Variants in PLOD2 observed in about 807,000 individuals in gnomAD.
The protein encoded by PLOD2 is procollagen-lysine,2-oxoglutarate 5-dioxygenase 2, also known as lysine hydroxylase 2.
In PLOD2, 65 loss-of-function variants were observed where a neutral mutation model predicts 101.0. The ratio of observed to expected loss-of-function variants is 0.64; its 90% CI spans 0.53 to 0.79. The LOEUF (loss-of-function observed/expected upper bound fraction) is 0.79, where lower values mean the gene tolerates loss of function less well. Among genes scored for constraint, PLOD2 ranks in the 30% least tolerant of loss-of-function variants. The pLI, the probability that PLOD2 is intolerant of heterozygous loss-of-function variation, is 0.00. For synonymous variants in PLOD2, 314 were observed against 302.9 expected (o/e 1.04, Z -0.38); for missense variants, 909 against 914.6 (o/e 0.99, Z 0.08).
intron 4 of PLOD2, among the ~76,000 whole-genome samples, chr3:146,109,828 A>G (rs1937596435): frequency 6.6e-6 from 1 of 152,242 alleles, no homozygotes; most frequent in Non-Finnish European, 1.5e-5. Flanking sequence ...GGTTCAAGAC[A>G]AATCATTTAT....
At chr3:146,077,543 CTATTT>C (rs1309967725) in intron 14 of PLOD2, 1 of 225,356 alleles carries the variant, frequency 4.4e-6, no homozygotes, top group African/African-American at 2.3e-5. Flanking sequence ...TAATCAAATT[CTATTT>C]TATACCTACT....
chr3:146,146,492 G>A (rs909381494), intron 1 of PLOD2, among the ~76,000 whole-genome samples: 2 of 152,242 alleles, frequency 1.3e-5, no homozygotes, highest in South Asian at 2.1e-4. Flanking sequence ...CACTTTGTGG[G>A]AACTGGGGAG....
intron 1 of PLOD2, among the ~76,000 whole-genome samples, chr3:146,138,572 G>C (rs1451893730): frequency 6.6e-6 from 1 of 152,048 alleles, no homozygotes; most frequent in Non-Finnish European, 1.5e-5. Context: ...CTGGGTTCAG[G>C]CCTCATACAT....
chr3:146,119,248 T>C (rs1159922277), intron 3 of PLOD2, among the ~76,000 whole-genome samples: 2 of 152,118 alleles, frequency 1.3e-5, no homozygotes, highest in Non-Finnish European at 2.9e-5. Flanking sequence ...TCCTTTGCCT[T>C]CTGCCATGAT....
chr3:146,072,311 G>A (rs974153568), intron 17 of PLOD2, among the ~76,000 whole-genome samples: 1 of 151,548 alleles, frequency 6.6e-6, no homozygotes, highest in Admixed American at 6.6e-5. Context: ...TGAGGACATC[G>A]ACCCTTAGGG....
chr3:146,086,851 T>G lies in PLOD2; in HGVS notation c.1063A>C (p.Lys355Gln). The change falls in exon 10 of 20, where the codon AAA becomes CAA. Residue 355 changes from lysine (K) to glutamine (Q), a missense_variant. Physicochemically the swap from Lys to Gln is moderately conservative, Grantham distance 53 (BLOSUM62 1). Coordinates refer to ENST00000282903, the MANE Select transcript of PLOD2 (RefSeq NM_182943.3). Reference sequence around the variant, plus strand: ...TCTGGTCCTACTATTTTTATAGTTTTGATTTCATGCTTAGCTTTATCAAAA... The same window carrying G: ...TCTGGTCCTACTATTTTTATAGTTTGGATTTCATGCTTAGCTTTATCAAAA... ...VFFDKAKHEI[K>Q]TIKIVGPEEN... 1 of 1,537,758 alleles carries G rather than the reference T, an allele frequency of 6.5e-7. No homozygotes were observed. Among genetic ancestry groups the G allele is most frequent in the Non-Finnish European group, 8.9e-7 (1 of 1,123,510 alleles).
At chr3:146,072,919 G>A (rs1936203364) in intron 16 of PLOD2, among the ~76,000 whole-genome samples, 1 of 151,458 alleles carries the variant, frequency 6.6e-6, no homozygotes, top group African/African-American at 2.4e-5. Context: ...GAGAATTCAT[G>A]TTTCAAAGAT....
chr3:146,070,783 ATG>A lies in PLOD2; in HGVS notation c.2209_2210del (p.His737PhefsTer3). On this transcript the variant is annotated frameshift_variant, in exon 20 of 20. Coordinates refer to ENST00000282903, the MANE Select transcript of PLOD2 (RefSeq NM_182943.3). LOFTEE classifies it high-confidence loss of function. ...TTTTAACAGGAAGTCCTTCATGCAAATGTGTGAGTCTCCCAGGATGCATGAAG... is the reference window on the plus strand; with the variant it reads ...TTTTAACAGGAAGTCCTTCATGCAAATGTGAGTCTCCCAGGATGCATGAAG... Reference protein sequence around the residue: ...WSFMHPGRLTHLHEGLPVKNG... With the variant: ...WSFMHPGRLTXLHEGLPVKNG... 6.2e-7 allele frequency: 1 copy of A among 1,608,176 alleles called. No homozygotes were observed. Among genetic ancestry groups the A allele is most frequent in the Non-Finnish European group, 8.5e-7 (1 of 1,175,316 alleles).
intron 1 of PLOD2, among the ~76,000 whole-genome samples, chr3:146,155,152 AGGCT>A (rs146800749): frequency 0.028 from 4,274 of 152,140 alleles, 90 homozygotes; most frequent in Non-Finnish European, 0.042. Context: ...TGCAACATGT[AGGCT>A]TTAAGGTGGT....
chr3:146,071,119 G>C lies in PLOD2; in HGVS notation c.2044C>G (p.Arg682Gly). 2.5e-6 allele frequency: 4 copies of C among 1,610,356 alleles called. No individual in the cohort carries two copies. The highest frequency in any genetic ancestry group is 3.4e-6 in the Non-Finnish European group (4 of 1,177,320). ...FVVKYSPERQ[R>G]SLRPHHDAST... ...GCATCATGATGAGGACGAAGAGAAC[G>C]CTGTCGTTCAGGGGAGTATTTTACT... The change falls in exon 19 of 20, where the codon CGT (arginine) becomes GGT (glycine). Residue 682 changes from arginine to glycine, a missense_variant. Physicochemically the swap from Arg to Gly is moderately radical, Grantham distance 125. Transcript: ENST00000282903.
intron 3 of PLOD2, among the ~76,000 whole-genome samples, chr3:146,111,027 A>G (rs1260481436): frequency 2.3e-5 from 2 of 85,786 alleles, no homozygotes; most frequent in African/African-American, 8.7e-5. Context: ...GTAAAAACTG[A>G]CACTATAATT....
Position 146,079,801 on chromosome 3 carries a change from A to C in PLOD2, c.1359-544T>G, listed in dbSNP as rs550149616. ...CCTCCACCTCCAAAAGCCAGTTGTT[A>C]CACATTTACCAAAATACCACTGAAT... On this transcript the variant is annotated intron_variant, in intron 12 of 19. Coordinates refer to ENST00000282903, the MANE Select transcript of PLOD2 (RefSeq NM_182943.3). Among the ~76,000 whole-genome samples the C allele has an allele frequency of 2.4e-4, 37 of 152,154 alleles. No homozygotes were observed. The South Asian group carries it at 7.7e-3, about 32-fold the overall frequency.
rs145189838 is a variant in PLOD2 at position 146,091,827 on chromosome 3, G to C, written c.852C>G (p.Phe284Leu). The C allele has an allele frequency of 1.0e-5, 16 of 1,601,498 alleles. No individual in the cohort carries two copies. The African/African-American group carries it at 1.5e-4, about 15-fold the overall frequency. The change falls in exon 8 of 20, where the codon TTC becomes TTG. Residue 284 changes from phenylalanine (F) to leucine (L), a missense_variant. Physicochemically the swap from Phe to Leu is conservative, Grantham distance 22. Coordinates refer to ENST00000282903, the MANE Select transcript of PLOD2 (RefSeq NM_182943.3). Reference protein sequence around the residue: ...TQDNGCTLCEFDTVDLSAVDV... With the variant: ...TQDNGCTLCELDTVDLSAVDV... ...CTACTGCAGACAAGTCGACTGTATCGAATTCACAAAGAGTGCAGCCATTAT... is the reference window on the plus strand; with the variant it reads ...CTACTGCAGACAAGTCGACTGTATCCAATTCACAAAGAGTGCAGCCATTAT...
At chr3:146,090,361 T>G (rs1281077034) in intron 8 of PLOD2, among the ~76,000 whole-genome samples, 1 of 151,636 alleles carries the variant, frequency 6.6e-6, no homozygotes, top group African/African-American at 2.4e-5. Flanking sequence ...CTATCACATT[T>G]TAACAAGCTG....
intron 2 of PLOD2, among the ~76,000 whole-genome samples, chr3:146,122,389 C>T (rs955053309): frequency 1.3e-5 from 2 of 152,140 alleles, no homozygotes; most frequent in East Asian, 1.9e-4. Flanking sequence ...AACATTGGAC[C>T]CAACGACATC....
intron 2 of PLOD2, among the ~76,000 whole-genome samples, chr3:146,121,674 A>C (rs1442347973): frequency 6.6e-6 from 1 of 152,154 alleles, no homozygotes; most frequent in Non-Finnish European, 1.5e-5. Context: ...CAATTTTCCT[A>C]CTGAACCAAA....
intron 7 of PLOD2, 138 bp downstream of exon 7, chr3:146,102,617 G>T: frequency 3.2e-6 from 2 of 624,272 alleles, no homozygotes; most frequent in East Asian, 5.7e-5. Context: ...GATATACTGT[G>T]TAAAAGATGA....
At chr3:146,129,755 T>C (rs2030798850) in intron 1 of PLOD2, among the ~76,000 whole-genome samples, 1 of 152,134 alleles carries the variant, frequency 6.6e-6, no homozygotes, top group African/African-American at 2.4e-5. Context: ...TTAAAAATTA[T>C]GGAAAAATAG....
intron 3 of PLOD2, among the ~76,000 whole-genome samples, chr3:146,111,845 AT>A (rs11360876): frequency 0.41 from 61,669 of 150,298 alleles, 12,898 homozygotes; most frequent in East Asian, 0.56. Flanking sequence ...GTTGTTGATA[AT>A]TTTTTTTTTT....
Sources: gnomAD v4.1 joint callset for allele counts (sites outside exome capture counted in the v4.1 genomes callset) on GRCh38, gnomAD v4.1.1 for gene constraint, MANE v1.5 for transcripts, NCBI Gene and HGNC (gene_info 2026-07-23, HGNC 2026-07-21) for gene names.